Variants in DCDC1 observed in about 807,000 individuals in gnomAD.
The protein encoded by DCDC1 is doublecortin domain-containing protein 1.
Under a neutral mutation model 178.3 loss-of-function variants are expected in DCDC1, and 200 were observed. The ratio of observed to expected loss-of-function variants is 1.12; its 90% confidence interval spans 1.00 to 1.26. The LOEUF (loss-of-function observed/expected upper bound fraction) is 1.26. DCDC1 is among the 50% of genes most tolerant of loss of function. The pLI is 0.00. For missense variants in DCDC1, 1,983 were observed against 1,749.2 expected (o/e 1.13, Z -2.38); for synonymous variants, 690 against 604.8 (o/e 1.14, Z -2.07).
intron 20 of DCDC1, among the ~76,000 whole-genome samples, chr11:30,998,761 G>A (rs995454183): frequency 6.6e-6 from 1 of 151,936 alleles, no homozygotes; most frequent in African/African-American, 2.4e-5. Flanking sequence ...TTTTTTAATG[G>A]TCCTCCCTCT....
At chr11:31,250,041 C>T (rs995632315) in intron 8 of DCDC1, among the ~76,000 whole-genome samples, 3 of 151,830 alleles carry the variant, frequency 2.0e-5, no homozygotes, top group African/African-American at 7.3e-5. Flanking sequence ...CCTACACCAA[C>T]ATATAAACAA....
intron 9 of DCDC1, among the ~76,000 whole-genome samples, chr11:31,183,295 T>C (rs1969064705): frequency 6.6e-6 from 1 of 152,182 alleles, no homozygotes; most frequent in Non-Finnish European, 1.5e-5. Context: ...AGAATATATA[T>C]TCTTCTCAGC....
chr11:31,196,878 G>A (rs1198250959), intron 9 of DCDC1, among the ~76,000 whole-genome samples: 3 of 152,100 alleles, frequency 2.0e-5, no homozygotes, highest in African/African-American at 4.8e-5. Flanking sequence ...GTAGCCAGCT[G>A]TAGTCCAGGG....
At chr11:31,227,453 C>T (rs1975139517) in intron 9 of DCDC1, among the ~76,000 whole-genome samples, 1 of 152,072 alleles carries the variant, frequency 6.6e-6, no homozygotes, top group South Asian at 2.1e-4. Flanking sequence ...ATCTAATCAC[C>T]TTCCACCAGG....
At chr11:31,126,173 C>T (rs1961589879) in intron 11 of DCDC1, among the ~76,000 whole-genome samples, 1 of 152,100 alleles carries the variant, frequency 6.6e-6, no homozygotes, top group Non-Finnish European at 1.5e-5. Flanking sequence ...CTACACTTCC[C>T]CATCCCTTTT....
At chr11:31,242,947 AAAGTT>A (rs1211859954) in intron 8 of DCDC1, among the ~76,000 whole-genome samples, 1 of 151,870 alleles carries the variant, frequency 6.6e-6, no homozygotes. Flanking sequence ...AATATAGTAT[AAAGTT>A]AAGAGGAAAT....
chr11:30,922,523 CAGA>C lies in DCDC1; in HGVS notation c.3110_3112del (p.Phe1037del). The C allele has an allele frequency of 6.4e-7, 1 of 1,566,518 alleles. No homozygotes were observed. The highest frequency in any genetic ancestry group is 8.6e-7 in the Non-Finnish European group (1 of 1,163,486). On this transcript the variant is annotated inframe_deletion, in exon 24 of 39. Coordinates refer to ENST00000684477, the MANE Select transcript of DCDC1 (RefSeq NM_001387274.1). ...CTTACCTTCTATTTTATGTGTGCTG[CAGA>C]AGATTTGAATTTTGGCAATGTCTGA...
intron 29 of DCDC1, among the ~76,000 whole-genome samples, chr11:30,907,561 A>G (rs2134153246): frequency 6.6e-6 from 1 of 152,164 alleles, no homozygotes; most frequent in East Asian, 1.9e-4. Context: ...TTTAGCTGCC[A>G]TTGGAACCCC....
At chr11:31,345,783 T>C (rs998406500) in intron 1 of DCDC1, among the ~76,000 whole-genome samples, 5 of 152,078 alleles carry the variant, frequency 3.3e-5, no homozygotes, top group African/African-American at 1.2e-4. Context: ...AACAAATAGA[T>C]AATGAAAGAA....
intron 20 of DCDC1, among the ~76,000 whole-genome samples, chr11:31,055,017 C>A (rs962096965): frequency 6.6e-6 from 1 of 152,186 alleles, no homozygotes; most frequent in Non-Finnish European, 1.5e-5. Context: ...AGCTTTCGCA[C>A]GGCAAAAGGA....
chr11:30,901,852 G>T (rs1273973425), intron 32 of DCDC1, among the ~76,000 whole-genome samples: 1 of 152,056 alleles, frequency 6.6e-6, no homozygotes, highest in Non-Finnish European at 1.5e-5. Context: ...AAACTCGTTT[G>T]AATACAAAAT....
intron 9 of DCDC1, among the ~76,000 whole-genome samples, chr11:31,179,899 G>A (rs912599193): frequency 2.0e-5 from 3 of 152,148 alleles, no homozygotes; most frequent in African/African-American, 7.2e-5. Context: ...CAAGATATTA[G>A]CAAGCCAAAT....
chr11:31,072,746 G>A (rs201798762), intron 18 of DCDC1, among the ~76,000 whole-genome samples: 1 of 152,056 alleles, frequency 6.6e-6, no homozygotes, highest in East Asian at 1.9e-4. Context: ...ACAACAAAAT[G>A]CAATAAATGT....
intron 38 of DCDC1, among the ~76,000 whole-genome samples, chr11:30,873,261 A>C (rs907077874): frequency 2.0e-5 from 3 of 150,548 alleles, no homozygotes; most frequent in African/African-American, 4.9e-5. Context: ...AAATGACTAC[A>C]CTAAACAAGA....
chr11:31,363,411 T>C (rs1268920731), intron 1 of DCDC1, among the ~76,000 whole-genome samples: 1 of 152,170 alleles, frequency 6.6e-6, no homozygotes, highest in Non-Finnish European at 1.5e-5. Context: ...ATAACAATGA[T>C]ACTAATTATG....
At chr11:30,928,755 CTA>C (rs1258022101) in intron 22 of DCDC1, among the ~76,000 whole-genome samples, 1 of 149,018 alleles carries the variant, frequency 6.7e-6, no homozygotes, top group Non-Finnish European at 1.5e-5. Flanking sequence ...AATATTTATA[CTA>C]TGAGTAATTT....
At chr11:30,871,803 T>C (rs1186713847) in intron 38 of DCDC1, among the ~76,000 whole-genome samples, 1 of 152,080 alleles carries the variant, frequency 6.6e-6, no homozygotes, top group African/African-American at 2.4e-5. Context: ...ATTTCCATTA[T>C]TTCTAAGGGA....
At chr11:30,954,360 T>A (rs1948643474) in intron 20 of DCDC1, among the ~76,000 whole-genome samples, 2 of 152,104 alleles carry the variant, frequency 1.3e-5, no homozygotes, top group South Asian at 4.1e-4. Flanking sequence ...GGAAAAAACC[T>A]CACAGATTTG....
intron 6 of DCDC1, among the ~76,000 whole-genome samples, chr11:31,300,646 T>C (rs1287203418): frequency 1.3e-5 from 2 of 152,146 alleles, no homozygotes; most frequent in Non-Finnish European, 1.5e-5. Context: ...ATCTAAAGCC[T>C]TCAAAAGTGA....
Sources: allele counts gnomAD v4.1 joint callset (sites outside exome capture counted in the v4.1 genomes callset), GRCh38; gene constraint gnomAD v4.1.1; transcripts MANE v1.5; gene names NCBI Gene and HGNC (gene_info 2026-07-23, HGNC 2026-07-21).